The following FGD6 variants were observed in gnomAD, a reference collection of about 807,000 sequenced individuals.
FGD6 encodes the protein FYVE, RhoGEF and PH domain containing 6.
In FGD6, 90 loss-of-function variants were observed where a neutral mutation model predicts 149.4. That is an observed-to-expected ratio of 0.60 (90% CI 0.51 to 0.72). FGD6 has a LOEUF of 0.72. Ranked by LOEUF, FGD6 falls within the 30% of genes least tolerant of loss-of-function variation. FGD6 has a pLI of 0.00. For synonymous variants in FGD6, 527 were observed against 584.0 expected (o/e 0.90, Z 1.41); for missense variants, 1,437 against 1,684.8 (o/e 0.85, Z 2.57).
intron 3 of FGD6, among the ~76,000 whole-genome samples, chr12:95,160,069 G>C (rs1268263589): frequency 6.6e-6 from 1 of 151,802 alleles, no homozygotes. Flanking sequence ...AAAAGGCTGT[G>C]TGCGGTGGCT....
chr12:95,121,293 T>C (rs1879176051), intron 8 of FGD6, among the ~76,000 whole-genome samples: 4 of 151,454 alleles, frequency 2.6e-5, no homozygotes, highest in African/African-American at 9.7e-5. Flanking sequence ...TACAAAAAAT[T>C]AGCCGGGCAT....
At position 95,208,923 on chromosome 12, in the gene FGD6, A is replaced by C. The variant is rs1168070578; in HGVS notation, c.2361T>G (p.Asp787Glu). The change falls in exon 2 of 21, where the codon GAT becomes GAG. Residue 787 changes from aspartate (D) to glutamate (E), a missense_variant. Physicochemically the swap from Asp to Glu is conservative, Grantham distance 45. Transcript: ENST00000343958. ...GCTCTTCTACCTCATACACATTTGC[A>C]TCAGCGTCCTCCATGCTGCTGGAAT... is the stretch of plus-strand genomic sequence containing the variant. ...WQNSSSMEDA[D>E]ANVYEVEEPY... 1.2e-6 allele frequency: 2 copies of C among 1,614,088 alleles called. No individual in the cohort carries two copies. Among genetic ancestry groups the C allele is most frequent in the Non-Finnish European group, 8.5e-7 (1 of 1,180,010 alleles).
intron 14 of FGD6, among the ~76,000 whole-genome samples, chr12:95,095,228 G>A (rs910512662): frequency 2.6e-5 from 4 of 152,106 alleles, no homozygotes; most frequent in Admixed American, 6.5e-5. Context: ...AGGTTCACAC[G>A]GTAAAGGCTG....
intron 8 of FGD6, among the ~76,000 whole-genome samples, chr12:95,115,463 T>A (rs1878978977): frequency 6.6e-6 from 1 of 150,710 alleles, no homozygotes; most frequent in East Asian, 2.0e-4. Flanking sequence ...CTTTAACTCC[T>A]GGCCTCAAGC....
chr12:95,096,038 A>C (rs1019286140), intron 14 of FGD6, among the ~76,000 whole-genome samples: 4 of 152,006 alleles, frequency 2.6e-5, no homozygotes, highest in African/African-American at 7.3e-5. Flanking sequence ...GCAGAAGTAA[A>C]ATGACCTGAT....
chr12:95,134,910 T>G, intron 7 of FGD6, 84 bp from the exon 8 acceptor site: 1 of 1,051,750 alleles, frequency 9.5e-7, no homozygotes, highest in Non-Finnish European at 1.4e-6. Flanking sequence ...AGCCAAACTT[T>G]AAACATCAAG....
rs1565925800 is a variant in FGD6, at chr12:95,210,897, C to T, written c.387G>A (p.Lys129=). 6.2e-7 allele frequency: 1 copy of T among 1,613,602 alleles called. No homozygotes were observed. The highest frequency in any genetic ancestry group is 2.2e-5 in the East Asian group (1 of 44,886). Residue 129 remains lysine (K), a synonymous_variant, in exon 2 of 21, where the codon AAG becomes AAA. Transcript: ENST00000343958. ...KLGHRENLCV[K]QLVLEPLEMN... ...TTTCCAGGGGCTCTAAAACAAGCTG[C>T]TTTACACACAAATTCTCTCTATGGC...
rs376099203 is a variant in FGD6 at position 95,143,501 on chromosome 12, T to C, written c.2686-1962A>G. Among the ~76,000 whole-genome samples the C allele has an allele frequency of 1.3e-4, 20 of 152,274 alleles. No homozygotes were observed. In the East Asian group the frequency reaches 1.3e-3, roughly 10 times the overall value. On this transcript the variant is annotated intron_variant, in intron 5 of 20. Transcript: ENST00000343958. ...ACATTAGCCCAAAGGAGCCAACTAC[T>C]CACACCAGTAACTAAAGGACTAACT... is the stretch of plus-strand genomic sequence containing the variant.
At position 95,209,375 on chromosome 12, in the gene FGD6, T is replaced by A. The variant is rs1243439945; in HGVS notation, c.1909A>T (p.Ile637Phe). The A allele has an allele frequency of 9.9e-6, 16 of 1,613,512 alleles. No homozygotes were observed. Among genetic ancestry groups the A allele is most frequent in the Non-Finnish European group, 1.2e-5 (14 of 1,179,676 alleles). ...TGAAAGTCACTCTTCATGAAACAGA[T>A]GGACAGTTTCATGCTGAGCAACTTT... ...FKKLLSMKLS[I>F]CFMKSDFQKF... The change falls in exon 2 of 21, where the codon ATC (isoleucine) becomes TTC (phenylalanine). Residue 637 changes from isoleucine (I) to phenylalanine (F), a missense_variant. Coordinates refer to ENST00000343958, the MANE Select transcript of FGD6 (RefSeq NM_018351.4).
chr12:95,117,137 G>A (rs7484333), intron 8 of FGD6, among the ~76,000 whole-genome samples: 21,989 of 152,116 alleles, frequency 0.14, 1,825 homozygotes, highest in Admixed American at 0.24. Context: ...TAGACTGGTA[G>A]TATTCTATGA....
chr12:95,137,826 T>C (rs1462544406), intron 6 of FGD6, 148 bp from the exon 7 acceptor site: 2 of 530,882 alleles, frequency 3.8e-6, no homozygotes, highest in East Asian at 3.4e-5. Flanking sequence ...TTTCACCATT[T>C]CCACTGCCAC....
chr12:95,097,992 C>A (rs111804136), intron 14 of FGD6, among the ~76,000 whole-genome samples: 1 of 152,126 alleles, frequency 6.6e-6, no homozygotes, highest in East Asian at 1.9e-4. Context: ...TGGCAGGGAA[C>A]TCTCTGTGTA....
At chr12:95,119,672 T>C (rs1410042449) in intron 8 of FGD6, among the ~76,000 whole-genome samples, 1 of 152,222 alleles carries the variant, frequency 6.6e-6, no homozygotes, top group East Asian at 1.9e-4. Flanking sequence ...GGCTTACACC[T>C]GTAATCTCAG....
Position 95,209,359 on chromosome 12 carries a change from C to T in FGD6, c.1925G>A (p.Ser642Asn). The T allele has an allele frequency of 1.2e-6, 2 of 1,613,038 alleles. No individual in the cohort carries two copies. Among genetic ancestry groups the T allele is most frequent in the Non-Finnish European group, 1.7e-6 (2 of 1,179,444 alleles). Reference protein sequence around the residue: ...SMKLSICFMKSDFQKFWSKSS... With the variant: ...SMKLSICFMKNDFQKFWSKSS... Reference sequence around the variant, plus strand: ...CTTGGACCAAAATTTTTGAAAGTCACTCTTCATGAAACAGATGGACAGTTT... The same window carrying T: ...CTTGGACCAAAATTTTTGAAAGTCATTCTTCATGAAACAGATGGACAGTTT... The change falls in exon 2 of 21, where the codon AGT becomes AAT. Residue 642 changes from serine (S) to asparagine (N), a missense_variant. Ser to Asn is a conservative substitution (Grantham distance 46). Transcript: ENST00000343958.
chr12:95,106,712 T>G (rs1486884033), intron 13 of FGD6, among the ~76,000 whole-genome samples: 2 of 151,922 alleles, frequency 1.3e-5, no homozygotes, highest in African/African-American at 4.8e-5. Flanking sequence ...CCTGCCAACA[T>G]GGTGAAACCC....
At chr12:95,109,972 A>T (rs953464833) in intron 9 of FGD6, among the ~76,000 whole-genome samples, 4 of 147,982 alleles carry the variant, frequency 2.7e-5, no homozygotes, top group African/African-American at 1.0e-4. Context: ...TCCTGGTACC[A>T]GCCGTGGAGG....
intron 2 of FGD6, among the ~76,000 whole-genome samples, chr12:95,174,821 G>A (rs11107923): frequency 0.011 from 1,689 of 151,360 alleles, 31 homozygotes; most frequent in African/African-American, 0.037. Context: ...CCAGCTACTC[G>A]GGAGGCTGAG....
At chr12:95,208,764 C>T in intron 2 of FGD6, 79 bp downstream of exon 2, 1 of 1,486,782 alleles carries the variant, frequency 6.7e-7, no homozygotes, top group Non-Finnish European at 9.0e-7. Flanking sequence ...TTTTTTTTCC[C>T]CCTGCATTCC....
At chr12:95,161,222 C>A (rs1213180369) in intron 3 of FGD6, among the ~76,000 whole-genome samples, 1 of 151,352 alleles carries the variant, frequency 6.6e-6, no homozygotes, top group Non-Finnish European at 1.5e-5. Flanking sequence ...GTGGCTGGGC[C>A]AAGTGGCTCA....
Sources: allele counts gnomAD v4.1 joint callset (sites outside exome capture counted in the v4.1 genomes callset), GRCh38; gene constraint gnomAD v4.1.1; transcripts MANE v1.5; gene names NCBI Gene and HGNC (gene_info 2026-07-23, HGNC 2026-07-21).